Variants in THSD7B observed in about 807,000 individuals in gnomAD.
THSD7B encodes the protein thrombospondin type 1 domain containing 7B, also known as thrombospondin type-1 domain-containing protein 7B.
A neutral mutation model predicts 213.6 loss-of-function variants in THSD7B; 138 were observed. The observed-to-expected ratio is 0.65, with a 90% CI of 0.56 to 0.74. The LOEUF (loss-of-function observed/expected upper bound fraction) is 0.74. Ranked by LOEUF, THSD7B falls within the 30% of genes least tolerant of loss-of-function variation. The probability of loss-of-function intolerance (pLI) is 0.00; values close to 1 mark genes in which losing one functional copy is unlikely to be tolerated. For synonymous variants in THSD7B, 742 were observed against 687.0 expected (o/e 1.08, Z -1.25); for missense variants, 1,931 against 1,991.5 (o/e 0.97, Z 0.58).
At chr2:136,819,375 A>G (rs998253215) in intron 1 of THSD7B, among the ~76,000 whole-genome samples, 1 of 152,088 alleles carries the variant, frequency 6.6e-6, no homozygotes. Context: ...ATTAGTGTGT[A>G]CTGGGTTGGG....
intron 15 of THSD7B, among the ~76,000 whole-genome samples, chr2:137,480,591 A>C (rs1185369911): frequency 6.6e-6 from 1 of 152,212 alleles, no homozygotes; most frequent in Admixed American, 6.5e-5. Flanking sequence ...ATTACATTGA[A>C]GTTCTATCTT....
At chr2:137,243,718 T>A (rs1345045223) in intron 10 of THSD7B, among the ~76,000 whole-genome samples, 1 of 152,192 alleles carries the variant, frequency 6.6e-6, no homozygotes, top group South Asian at 2.1e-4. Flanking sequence ...TTCAAACACC[T>A]CTCAGTGATT....
chr2:137,565,819 G>A (rs779414604), intron 16 of THSD7B, among the ~76,000 whole-genome samples: 2 of 152,030 alleles, frequency 1.3e-5, no homozygotes, highest in Non-Finnish European at 2.9e-5. Context: ...CATCATGGTG[G>A]CTCCACTCTG....
intron 17 of THSD7B, among the ~76,000 whole-genome samples, chr2:137,606,108 C>G (rs1445871619): frequency 6.6e-6 from 1 of 152,162 alleles, no homozygotes; most frequent in East Asian, 1.9e-4. Flanking sequence ...GATATTGGCA[C>G]ATTTTCTAAC....
chr2:137,366,732 TA>T (rs141391832), intron 12 of THSD7B, among the ~76,000 whole-genome samples: 7,303 of 152,194 alleles, frequency 0.048, 528 homozygotes, highest in African/African-American at 0.16. Flanking sequence ...GATATTGTTA[TA>T]AAAAATATTT....
intron 5 of THSD7B, among the ~76,000 whole-genome samples, chr2:137,158,813 A>G (rs1679956786): frequency 6.6e-6 from 1 of 152,190 alleles, no homozygotes; most frequent in African/African-American, 2.4e-5. Context: ...CACTCCTCTT[A>G]CTGCAGTGTC....
intron 1 of THSD7B, among the ~76,000 whole-genome samples, chr2:136,879,960 A>G (rs1472489639): frequency 2.0e-5 from 3 of 152,226 alleles, no homozygotes; most frequent in Admixed American, 6.5e-5. Context: ...ACCCAGATTC[A>G]TAAAGCAAGC....
intron 3 of THSD7B, among the ~76,000 whole-genome samples, chr2:137,074,512 A>G (rs1687574260): frequency 6.6e-6 from 1 of 152,174 alleles, no homozygotes; most frequent in Admixed American, 6.5e-5. Flanking sequence ...TGAATAGAGC[A>G]CACTGATGGG....
At chr2:136,841,802 G>C (rs940322906) in intron 1 of THSD7B, among the ~76,000 whole-genome samples, 2 of 152,048 alleles carry the variant, frequency 1.3e-5, no homozygotes, top group South Asian at 4.2e-4. Flanking sequence ...GGTTGCTTAC[G>C]AATCTGGATC....
intron 15 of THSD7B, among the ~76,000 whole-genome samples, chr2:137,522,806 G>A (rs1486490017): frequency 6.6e-6 from 1 of 152,300 alleles, no homozygotes. Flanking sequence ...CTGTGACACA[G>A]TATACACTTA....
chr2:137,653,770 AATT>A (rs1362243605), intron 21 of THSD7B, among the ~76,000 whole-genome samples: 3 of 150,434 alleles, frequency 2.0e-5, no homozygotes, highest in East Asian at 1.9e-4. Context: ...TATTTTTTAA[AATT>A]ATTATTTCAA....
At position 137,075,969 on chromosome 2, in the gene THSD7B, G is replaced by A. The variant is rs1422707467; in HGVS notation, c.950+18739G>A. On this transcript the variant is annotated intron_variant, in intron 3 of 27. Coordinates refer to ENST00000409968, the MANE Select transcript of THSD7B (RefSeq NM_001316349.2). Reference sequence around the variant, plus strand: ...GAAGTTTTGTCTCAGAGGAGTACCCGGCCGTGTAAGGTGTCTGTCTGCCCC... The same window carrying A: ...GAAGTTTTGTCTCAGAGGAGTACCCAGCCGTGTAAGGTGTCTGTCTGCCCC... Among the ~76,000 whole-genome samples the A allele has an allele frequency of 1.6e-4, 25 of 152,084 alleles. 1 individual carries two copies. Among genetic ancestry groups the A allele is most frequent in the Admixed American group, 1.4e-3 (21 of 15,268 alleles).
At position 136,833,339 on chromosome 2, in the gene THSD7B, C is replaced by T. The variant is rs553531180; in HGVS notation, c.-35-48805C>T. On this transcript the variant is annotated intron_variant, in intron 1 of 27. Transcript: ENST00000409968. ...AGATAGTGCCACTGCAGTCTGGCCT[C>T]GGCGAAAGAGCGAGACTCCGTCTCA... Among the ~76,000 whole-genome samples, 395 of 113,842 alleles carry T rather than the reference C, an allele frequency of 3.5e-3. 4 individuals carry two copies. Among genetic ancestry groups the T allele is most frequent in the African/African-American group, 0.011 (327 of 28,840 alleles). 74.7% of individuals were successfully genotyped at this position (113,842 alleles called of 152,430 possible).
In THSD7B at chr2:137,338,101, C is replaced by A. The variant is rs75876311; in HGVS notation, c.2500+62075C>A. 2.6e-5 allele frequency among the ~76,000 whole-genome samples: 4 copies of A among 152,024 alleles called. No individual in the cohort carries two copies. In the East Asian group the frequency reaches 7.7e-4, roughly 29 times the overall value. On this transcript the variant is annotated intron_variant, in intron 12 of 27. Transcript: ENST00000409968. ...CCTTCAATCCGTTGCAGTCAGACAG[C>A]GGCTGAGACTGTGCTAAAGGTTTCT...
chr2:137,071,385 C>T (rs1687485481), intron 3 of THSD7B, among the ~76,000 whole-genome samples: 1 of 152,240 alleles, frequency 6.6e-6, no homozygotes, highest in Middle Eastern at 3.4e-3. Context: ...ATATCCTTTG[C>T]CCACTTTTTG....
chr2:137,671,628 A>G (rs1683580630), intron 27 of THSD7B, among the ~76,000 whole-genome samples: 1 of 152,044 alleles, frequency 6.6e-6, no homozygotes, highest in African/African-American at 2.4e-5. Flanking sequence ...TCTTTTGACA[A>G]CTCACTCGCT....
chr2:137,282,033 G>C (rs1425327058), intron 12 of THSD7B, among the ~76,000 whole-genome samples: 1 of 152,018 alleles, frequency 6.6e-6, no homozygotes, highest in Non-Finnish European at 1.5e-5. Flanking sequence ...GTGTAAAAGT[G>C]TTCCTATTTC....
At chr2:137,035,984 A>G (rs995487615) in intron 2 of THSD7B, among the ~76,000 whole-genome samples, 8 of 152,230 alleles carry the variant, frequency 5.3e-5, no homozygotes, top group African/African-American at 1.9e-4. Flanking sequence ...TATACTACCT[A>G]CCACATCAGC....
intron 21 of THSD7B, among the ~76,000 whole-genome samples, chr2:137,644,771 C>T (rs1224072308): frequency 6.6e-6 from 1 of 152,176 alleles, no homozygotes; most frequent in Non-Finnish European, 1.5e-5. Flanking sequence ...GCCTGCCAAA[C>T]ACAAGTTGGG....
Sources: gnomAD v4.1 joint callset for allele counts (sites outside exome capture counted in the v4.1 genomes callset) on GRCh38, gnomAD v4.1.1 for gene constraint, MANE v1.5 for transcripts, NCBI Gene and HGNC (gene_info 2026-07-23, HGNC 2026-07-21) for gene names.